Variants in ZC3H11A observed in about 807,000 individuals in gnomAD.
ZC3H11A encodes the protein zinc finger CCCH domain-containing protein 11A.
A neutral mutation model predicts 90.8 loss-of-function variants in ZC3H11A; 22 were observed. That is an observed-to-expected ratio of 0.24 (90% confidence interval 0.17 to 0.35). ZC3H11A has a LOEUF of 0.35. Among genes scored for constraint, ZC3H11A ranks in the 10% least tolerant of loss-of-function variants. The probability of loss-of-function intolerance (pLI) is 1.00; values close to 1 mark genes in which losing one functional copy is unlikely to be tolerated. For missense variants in ZC3H11A, 701 were observed against 964.9 expected (o/e 0.73, Z 3.62); for synonymous variants, 294 against 339.8 (o/e 0.87, Z 1.48).
rs150416242 is a variant in ZC3H11A, at chr1:203,802,714, C to CTTTTTTTTTTTTTTTTTTTTTTT, written c.-439_-438insTTTTTTTTTTTTTTTTTTTTTTT. On this transcript the variant is annotated 5_prime_UTR_variant, in exon 2 of 18. It removes the in-frame stop codon of an upstream open reading frame in the 5' UTR. Coordinates refer to ENST00000367210, the MANE Select transcript of ZC3H11A (RefSeq NM_001376342.1). The stretch of plus-strand genomic sequence containing the variant: ...TCTCAAGTTCATCTTTAAATGAACT[C>CTTTTTTTTTTTTTTTTTTTTTTT]TTTTTTTTTGTTTTTTTTTTGTTTT... The CTTTTTTTTTTTTTTTTTTTTTTT allele has an allele frequency of 3.8e-5, 5 of 131,654 alleles. No individual in the cohort carries two copies. Among genetic ancestry groups the CTTTTTTTTTTTTTTTTTTTTTTT allele is most frequent in the Non-Finnish European group, 6.6e-5 (4 of 60,924 alleles). The allele number at this position is 131,654 out of a possible 1,614,324, so 8.2% of individuals were successfully genotyped here.
chr1:203,847,972 C>T (rs1259377627), intron 13 of ZC3H11A, among the ~76,000 whole-genome samples: 1 of 152,170 alleles, frequency 6.6e-6, no homozygotes, highest in Non-Finnish European at 1.5e-5. Flanking sequence ...TCTCCTGCCT[C>T]AGCCTCCCAA....
chr1:203,838,775 A>AC (rs1375219698), intron 11 of ZC3H11A, among the ~76,000 whole-genome samples: 1 of 151,938 alleles, frequency 6.6e-6, no homozygotes, highest in African/African-American at 2.4e-5. Flanking sequence ...ACATGGCAAA[A>AC]CCCCATCTTT....
intron 10 of ZC3H11A, 110 bp from the exon 11 acceptor site, chr1:203,837,856 G>A: frequency 2.1e-6 from 2 of 957,962 alleles, no homozygotes; most frequent in Admixed American, 2.6e-5. Flanking sequence ...CACGCCATAT[G>A]TATGCAGAAC....
At chr1:203,824,987 G>A (rs1680014789) in intron 4 of ZC3H11A, among the ~76,000 whole-genome samples, 1 of 145,128 alleles carries the variant, frequency 6.9e-6, no homozygotes, top group Non-Finnish European at 1.5e-5. Context: ...TGAGGCAGGA[G>A]AATTGCTTGA....
At chr1:203,851,968 C>CAAAAAAA (rs57160781) in intron 17 of ZC3H11A, among the ~76,000 whole-genome samples, 173 bp from the exon 18 acceptor site, 2 of 45,842 alleles carry the variant, frequency 4.4e-5, no homozygotes, top group Non-Finnish European at 7.0e-5. Flanking sequence ...GACTCTGCCT[C>CAAAAAAA]AAAAAAAAAA....
chr1:203,831,184 TC>T (rs767186852), intron 8 of ZC3H11A, among the ~76,000 whole-genome samples: 41 of 151,876 alleles, frequency 2.7e-4, no homozygotes, highest in Non-Finnish European at 5.9e-5. Flanking sequence ...CCTCAGGTAA[TC>T]CACTGCGCCC....
At chr1:203,796,192 T>C (rs1668428925) in intron 1 of ZC3H11A, 1 of 380,388 alleles carries the variant, frequency 2.6e-6, no homozygotes, top group Non-Finnish European at 4.6e-6. Flanking sequence ...TAGATTGCTT[T>C]CTTCGGGGCA....
In ZC3H11A at chr1:203,798,157, A is replaced by T. The variant is rs370724689; in HGVS notation, c.-1588+2363A>T. 1.3e-5 allele frequency: 20 copies of T among 1,536,148 alleles called. 1 individual carries two copies. In the African/African-American group the frequency reaches 2.6e-4, roughly 20 times the overall value. On this transcript the variant is annotated intron_variant, in intron 1 of 17. Transcript: ENST00000367210. ...TCTTTATCTCCCTCTTCTGGAAGCA[A>T]TGGAAGCTTTGAATATATTCCTACT... is the stretch of plus-strand genomic sequence containing the variant.
chr1:203,812,189 T>C (rs1674711602), intron 2 of ZC3H11A, among the ~76,000 whole-genome samples: 2 of 152,156 alleles, frequency 1.3e-5, no homozygotes, highest in Admixed American at 1.3e-4. Flanking sequence ...ATGTGTGTCG[T>C]GGGGGTTTGT....
At chr1:203,849,096 A>G (rs1688665633) in intron 14 of ZC3H11A, among the ~76,000 whole-genome samples, 1 of 152,182 alleles carries the variant, frequency 6.6e-6, no homozygotes, top group Non-Finnish European at 1.5e-5. Context: ...TGTTGTCCAG[A>G]GTGGTCTCGA....
intron 10 of ZC3H11A, among the ~76,000 whole-genome samples, chr1:203,834,479 C>G (rs1683551740): frequency 1.3e-5 from 2 of 151,956 alleles, no homozygotes. Context: ...ACCATGTTGC[C>G]CAGGCTGGTC....
intron 6 of ZC3H11A, 47 bp downstream of exon 6, chr1:203,829,701 A>G (rs1681631623): frequency 6.2e-7 from 1 of 1,605,346 alleles, no homozygotes; most frequent in Non-Finnish European, 8.5e-7. Flanking sequence ...ATAGGGTCTC[A>G]TAGTGAATTG....
At chr1:203,840,233 C>T (rs1003257324) in intron 11 of ZC3H11A, 73 bp from the exon 12 acceptor site, 1 of 1,451,628 alleles carries the variant, frequency 6.9e-7, no homozygotes, top group Non-Finnish European at 9.6e-7. Context: ...GCCACCATGC[C>T]CAGCAAACCT....
intron 2 of ZC3H11A, among the ~76,000 whole-genome samples, chr1:203,804,203 G>A (rs865837448): frequency 7.3e-4 from 109 of 148,602 alleles, no homozygotes; most frequent in African/African-American, 2.4e-3. Flanking sequence ...CCAGGCTGGA[G>A]TGCAGTGGCG....
At chr1:203,839,934 T>G (rs6700156) in intron 11 of ZC3H11A, among the ~76,000 whole-genome samples, 19,060 of 151,148 alleles carry the variant, frequency 0.13, 1,373 homozygotes, top group Non-Finnish European at 0.14. Flanking sequence ...CTCCAGAGTA[T>G]CTGAGATTAC....
At chr1:203,850,061 A>G in intron 15 of ZC3H11A, 35 bp downstream of exon 15, 1 of 1,589,428 alleles carries the variant, frequency 6.3e-7, no homozygotes, top group Non-Finnish European at 8.6e-7. Context: ...GCTTTAGGTT[A>G]TCAAAATTAC....
Position 203,797,748 on chromosome 1 carries a change from C to G in ZC3H11A, c.-1588+1954C>G, listed in dbSNP as rs934783760. The G allele has an allele frequency of 2.6e-6, 4 of 1,535,260 alleles. No individual in the cohort carries two copies. In the African/African-American group the frequency reaches 5.5e-5, roughly 21 times the overall value. ...TTTGCGAATTAAGGGGAAAAGGCGT[C>G]GAAAAAAATTGATTCTTGCCAAAAA... is the stretch of plus-strand genomic sequence containing the variant. On this transcript the variant is annotated intron_variant, in intron 1 of 17. Coordinates refer to ENST00000367210, the MANE Select transcript of ZC3H11A (RefSeq NM_001376342.1).
chr1:203,838,021 A>C lies in ZC3H11A; in HGVS notation c.930A>C (p.Lys310Asn), dbSNP rs781190708. The C allele has an allele frequency of 1.2e-6, 2 of 1,614,224 alleles. No homozygotes were observed. The highest frequency in any genetic ancestry group is 2.2e-5 in the South Asian group (2 of 91,088). Residue 310 changes from lysine (K) to asparagine (N), a missense_variant, in exon 11 of 18, where the codon AAA becomes AAC. Around this residue, in one of 4 missense-constraint regions of ZC3H11A, gnomAD observed 530 missense variants for 696.2 expected, o/e 0.76. Transcript: ENST00000367210. Reference protein sequence around the residue: ...KRSLAQRLGKKVEAPETNIDK... With the variant: ...KRSLAQRLGKNVEAPETNIDK... ...GCCTGGCACAGAGGCTAGGGAAGAA[A>C]GTTGAAGCTCCAGAAACTAACATTG... is the stretch of plus-strand genomic sequence containing the variant.
At chr1:203,837,445 C>T (rs1333970997) in intron 10 of ZC3H11A, among the ~76,000 whole-genome samples, 4 of 150,118 alleles carry the variant, frequency 2.7e-5, no homozygotes, top group South Asian at 4.2e-4. Flanking sequence ...TGTTCTTTCC[C>T]TTGTCTCTCT....
Sources: allele counts gnomAD v4.1 joint callset (sites outside exome capture counted in the v4.1 genomes callset), GRCh38; gene constraint gnomAD v4.1.1; regional missense constraint gnomAD v4.1.1; transcripts MANE v1.5; gene names NCBI Gene and HGNC (gene_info 2026-07-23, HGNC 2026-07-21).